The following MDFIC variants were observed in gnomAD, a reference collection of about 807,000 sequenced individuals.
MDFIC encodes MyoD family inhibitor domain containing, also known as myoD family inhibitor domain-containing protein.
Under a neutral mutation model 23.2 loss-of-function variants are expected in MDFIC, and 17 were observed. That is an observed-to-expected ratio of 0.73 (90% CI 0.50 to 1.10). The LOEUF (loss-of-function observed/expected upper bound fraction) is 1.10, where lower values mean the gene tolerates loss of function less well. Among genes scored for constraint, MDFIC ranks in the 50% least tolerant of loss-of-function variants. The pLI is 0.00. For missense variants in MDFIC, 356 were observed against 316.6 expected (o/e 1.12, Z -0.95); for synonymous variants, 120 against 115.2 (o/e 1.04, Z -0.27).
intron 3 of MDFIC, among the ~76,000 whole-genome samples, chr7:114,951,214 G>A (rs1052645173): frequency 7.0e-5 from 10 of 143,590 alleles, no homozygotes; most frequent in Non-Finnish European, 1.1e-4. Context: ...AAGACAAATG[G>A]TTTAGGAAGA....
intron 3 of MDFIC, among the ~76,000 whole-genome samples, chr7:114,972,367 T>G (rs1175291521): frequency 6.6e-6 from 1 of 152,108 alleles, no homozygotes; most frequent in Non-Finnish European, 1.5e-5. Context: ...GGTTTAAAAC[T>G]AAAAATTCTT....
At chr7:114,952,742 T>C (rs555778034) in intron 3 of MDFIC, among the ~76,000 whole-genome samples, 3 of 152,222 alleles carry the variant, frequency 2.0e-5, no homozygotes, top group Non-Finnish European at 4.4e-5. Flanking sequence ...CAAATTGTCA[T>C]GAATAATTGA....
chr7:114,944,746 G>A (rs1277325375), intron 3 of MDFIC, among the ~76,000 whole-genome samples: 2 of 152,090 alleles, frequency 1.3e-5, no homozygotes, highest in East Asian at 3.8e-4. Context: ...ACATTTTGGG[G>A]GCCCAGAAAC....
intron 4 of MDFIC, among the ~76,000 whole-genome samples, chr7:114,987,048 A>C (rs1399105005): frequency 3.9e-5 from 6 of 152,152 alleles, no homozygotes; most frequent in Admixed American, 1.3e-4. Flanking sequence ...AAGGGAGAGA[A>C]TGTGAAGGAA....
intron 3 of MDFIC, among the ~76,000 whole-genome samples, chr7:114,942,666 T>G (rs1056053351): frequency 6.6e-6 from 1 of 152,146 alleles, no homozygotes; most frequent in Non-Finnish European, 1.5e-5. Flanking sequence ...CCTTTTTGAG[T>G]AACAACTAAG....
chr7:114,945,740 T>C lies in MDFIC; in HGVS notation c.217+3343T>C, dbSNP rs533903019. 3.9e-5 allele frequency among the ~76,000 whole-genome samples: 6 copies of C among 152,324 alleles called. No individual in the cohort carries two copies. In the East Asian group the frequency reaches 1.2e-3, roughly 29 times the overall value. ...ACAATTCCAACCACTTAAATTTGTT[T>C]AAAAATTTCCAAATCAAATTAGTAA... is the stretch of plus-strand genomic sequence containing the variant. On this transcript the variant is annotated intron_variant, in intron 3 of 4. Coordinates refer to ENST00000393486, the MANE Select transcript of MDFIC (RefSeq NM_001166345.3).
At chr7:114,986,200 T>C (rs1227635648) in intron 4 of MDFIC, among the ~76,000 whole-genome samples, 1 of 152,204 alleles carries the variant, frequency 6.6e-6, no homozygotes, top group African/African-American at 2.4e-5. Context: ...CTGCTTTCTT[T>C]TTTTAAAACT....
At chr7:114,992,414 C>A (rs1213801311) in intron 4 of MDFIC, among the ~76,000 whole-genome samples, 3 of 152,174 alleles carry the variant, frequency 2.0e-5, no homozygotes, top group Non-Finnish European at 4.4e-5. Context: ...GAGAGGGCAT[C>A]CCTGTCTTGT....
At chr7:114,991,903 T>C (rs1247387155) in intron 4 of MDFIC, among the ~76,000 whole-genome samples, 4 of 152,236 alleles carry the variant, frequency 2.6e-5, no homozygotes, top group Non-Finnish European at 5.9e-5. Context: ...ATTGGTAGCT[T>C]GATGGGGATG....
intron 2 of MDFIC, among the ~76,000 whole-genome samples, chr7:114,935,666 T>C (rs1189466608): frequency 6.6e-6 from 1 of 151,984 alleles, no homozygotes; most frequent in Non-Finnish European, 1.5e-5. Flanking sequence ...GAAACCCAAG[T>C]CCGGGGAAAT....
At chr7:114,951,663 T>G (rs1792773850) in intron 3 of MDFIC, among the ~76,000 whole-genome samples, 1 of 152,148 alleles carries the variant, frequency 6.6e-6, no homozygotes, top group South Asian at 2.1e-4. Context: ...TTTCTGTGTT[T>G]TTTTTTCCCA....
intron 2 of MDFIC, chr7:114,923,629 G>T: frequency 5.5e-6 from 8 of 1,446,294 alleles, no homozygotes; most frequent in Non-Finnish European, 7.3e-6. Flanking sequence ...GGTTTGTTTT[G>T]AAATAAATAA....
Position 114,939,788 on chromosome 7 carries a change from C to T in MDFIC, c.95-2487C>T, listed in dbSNP as rs531325184. 3.9e-5 allele frequency among the ~76,000 whole-genome samples: 6 copies of T among 152,180 alleles called. No homozygotes were observed. The East Asian group carries it at 5.8e-4, about 15-fold the overall frequency. On this transcript the variant is annotated intron_variant, in intron 2 of 4. Coordinates refer to ENST00000393486, the MANE Select transcript of MDFIC (RefSeq NM_001166345.3). ...AATGCTTCATAATGCCTTGGTTTCA[C>T]GAATTAATTTTAATGGAATTAAATT...
intron 3 of MDFIC, among the ~76,000 whole-genome samples, chr7:114,960,893 A>C (rs1352187942): frequency 1.3e-5 from 2 of 152,172 alleles, no homozygotes; most frequent in Admixed American, 1.3e-4. Context: ...TCAAGACGGC[A>C]AGTAGATGGA....
At chr7:115,013,362 C>A (rs1168522503) in intron 4 of MDFIC, among the ~76,000 whole-genome samples, 1 of 152,092 alleles carries the variant, frequency 6.6e-6, no homozygotes, top group African/African-American at 2.4e-5. Flanking sequence ...CATTCTTTCC[C>A]CTTTAAAATG....
At chr7:114,923,347 C>G (rs1792129339) in intron 2 of MDFIC, 1 of 1,240,682 alleles carries the variant, frequency 8.1e-7, no homozygotes, top group Admixed American at 2.1e-5. Flanking sequence ...TCCCTCCACT[C>G]CCCCTTCCTT....
intron 3 of MDFIC, among the ~76,000 whole-genome samples, chr7:114,977,783 T>G (rs188645862): frequency 3.6e-4 from 54 of 151,466 alleles, no homozygotes; most frequent in African/African-American, 1.3e-3. Context: ...AAGTTTTGTT[T>G]TTTATATATA....
At position 114,942,239 on chromosome 7, in the gene MDFIC, A is replaced by C. The variant is rs763693394; in HGVS notation, c.95-36A>C. 1.1e-5 allele frequency: 14 copies of C among 1,266,922 alleles called. No homozygotes were observed. In the East Asian group the frequency reaches 3.8e-4, roughly 34 times the overall value. The allele number at this position is 1,266,922 out of a possible 1,614,324, so 78.5% of individuals were successfully genotyped here. A position where few individuals can be genotyped will look rare whatever the true frequency, so the allele number is the denominator to read the frequency against. ...CTAAAAAAGGAGAGAAAAATATATAAAATCAATTATATTAAATGTATCTTT... is the reference window on the plus strand; with the variant it reads ...CTAAAAAAGGAGAGAAAAATATATACAATCAATTATATTAAATGTATCTTT... On this transcript the variant is annotated intron_variant, in intron 2 of 4. Coordinates refer to ENST00000393486, the MANE Select transcript of MDFIC (RefSeq NM_001166345.3).
chr7:114,974,656 T>C (rs994989357), intron 3 of MDFIC, among the ~76,000 whole-genome samples: 9 of 152,166 alleles, frequency 5.9e-5, no homozygotes, highest in Non-Finnish European at 1.0e-4. Context: ...TTTATATTGC[T>C]ACTCCAGCAG....
Sources: allele counts gnomAD v4.1 joint callset (sites outside exome capture counted in the v4.1 genomes callset), GRCh38; gene constraint gnomAD v4.1.1; transcripts MANE v1.5; gene names NCBI Gene and HGNC (gene_info 2026-07-23, HGNC 2026-07-21).